LRP1B: variants seen among roughly 807,000 people sequenced by gnomAD.
The protein encoded by LRP1B is LDL receptor related protein 1B, also known as low-density lipoprotein receptor-related protein 1B.
In LRP1B, 217 loss-of-function variants were observed where a neutral mutation model predicts 556.6. The ratio of observed to expected loss-of-function variants is 0.39; its 90% CI spans 0.35 to 0.44. The LOEUF (loss-of-function observed/expected upper bound fraction) is 0.44. LRP1B is among the 20% of genes least tolerant of loss of function. LRP1B has a pLI of 1.00. For missense variants in LRP1B, 5,053 were observed against 5,620.8 expected (o/e 0.90, Z 3.23); for synonymous variants, 2,047 against 1,865.8 (o/e 1.10, Z -2.50).
intron 21 of LRP1B, among the ~76,000 whole-genome samples, chr2:140,908,382 AT>A (rs1694320538): frequency 1.3e-4 from 19 of 146,672 alleles, no homozygotes; most frequent in Middle Eastern, 7.3e-3. Flanking sequence ...ATATATATAT[AT>A]ATATATATAA....
At chr2:141,091,019 A>G (rs1700158871) in intron 7 of LRP1B, among the ~76,000 whole-genome samples, 1 of 152,242 alleles carries the variant, frequency 6.6e-6, no homozygotes, top group Non-Finnish European at 1.5e-5. Context: ...AGGCAAGTCA[A>G]TTATGTCTGG....
chr2:141,262,429 A>G (rs556329959), intron 3 of LRP1B, among the ~76,000 whole-genome samples: 1 of 152,250 alleles, frequency 6.6e-6, no homozygotes, highest in South Asian at 2.1e-4. Flanking sequence ...ACAATTTCAA[A>G]GAAAAAAATC....
intron 20 of LRP1B, among the ~76,000 whole-genome samples, chr2:140,942,449 A>G (rs1423764217): frequency 6.6e-6 from 1 of 152,140 alleles, no homozygotes; most frequent in Admixed American, 6.6e-5. Flanking sequence ...AATTCCTGCA[A>G]GATACATACA....
chr2:141,912,188 A>G (rs1374769568), intron 1 of LRP1B, among the ~76,000 whole-genome samples: 2 of 152,158 alleles, frequency 1.3e-5, no homozygotes, highest in East Asian at 3.9e-4. Context: ...TGCTTTGTCA[A>G]AAATCCTTTT....
At chr2:140,405,240 T>C (rs189740009) in intron 66 of LRP1B, among the ~76,000 whole-genome samples, 69 of 152,250 alleles carry the variant, frequency 4.5e-4, no homozygotes, top group Non-Finnish European at 6.6e-4. Context: ...GTTCATAGCA[T>C]TAAATGTGTA....
chr2:142,086,683 GA>G (rs1705946679), intron 1 of LRP1B, among the ~76,000 whole-genome samples: 1 of 151,562 alleles, frequency 6.6e-6, no homozygotes, highest in Admixed American at 6.6e-5. Context: ...TGCTGGACTT[GA>G]GAAGTGAAAA....
chr2:141,505,399 C>T (rs1280496675), intron 2 of LRP1B, among the ~76,000 whole-genome samples: 1 of 152,098 alleles, frequency 6.6e-6, no homozygotes, highest in African/African-American at 2.4e-5. Context: ...ACACATACTT[C>T]TGGCATCCAT....
At chr2:140,359,354 T>C (rs1266675941) in intron 72 of LRP1B, among the ~76,000 whole-genome samples, 1 of 151,622 alleles carries the variant, frequency 6.6e-6, no homozygotes, top group Non-Finnish European at 1.5e-5. Context: ...TGAAAATAGG[T>C]CATTCAGTGA....
chr2:140,824,748 A>G (rs1691446613), intron 31 of LRP1B, among the ~76,000 whole-genome samples: 1 of 152,150 alleles, frequency 6.6e-6, no homozygotes, highest in South Asian at 2.1e-4. Flanking sequence ...ATGAATCCAT[A>G]TCCAGGTCAC....
intron 1 of LRP1B, among the ~76,000 whole-genome samples, chr2:141,818,439 A>G (rs767169928): frequency 2.6e-5 from 4 of 151,090 alleles, no homozygotes; most frequent in Non-Finnish European, 5.9e-5. Flanking sequence ...CTTTCTAAAT[A>G]CTTTCTTCTA....
chr2:141,764,331 C>T (rs979763577), intron 2 of LRP1B, among the ~76,000 whole-genome samples: 10 of 152,134 alleles, frequency 6.6e-5, no homozygotes, highest in African/African-American at 2.4e-4. Context: ...CAGGCGCCCG[C>T]CACCACATCC....
At chr2:140,886,390 A>T in intron 23 of LRP1B, 55 bp from the exon 24 acceptor site, 1 of 883,202 alleles carries the variant, frequency 1.1e-6, no homozygotes, top group Non-Finnish European at 1.7e-6. Context: ...CTGGTAATGA[A>T]ATGCTTGGGA....
chr2:141,699,459 G>T (rs1691855795), intron 2 of LRP1B, among the ~76,000 whole-genome samples: 1 of 151,726 alleles, frequency 6.6e-6, no homozygotes, highest in South Asian at 2.1e-4. Flanking sequence ...CACTCCAAGG[G>T]CACAAAAGGA....
intron 20 of LRP1B, among the ~76,000 whole-genome samples, chr2:140,923,530 T>G (rs1458947699): frequency 1.3e-5 from 2 of 152,108 alleles, no homozygotes; most frequent in Non-Finnish European, 2.9e-5. Context: ...ATTCTAATCT[T>G]AATGATAAGA....
intron 3 of LRP1B, among the ~76,000 whole-genome samples, chr2:141,444,395 C>T (rs1172044416): frequency 6.6e-6 from 1 of 152,152 alleles, no homozygotes; most frequent in Admixed American, 6.5e-5. Context: ...ATTTGACTTC[C>T]TCTCTTCCTA....
chr2:140,268,294 C>T (rs926091861), intron 86 of LRP1B, among the ~76,000 whole-genome samples: 1 of 151,954 alleles, frequency 6.6e-6, no homozygotes. Context: ...TCACTTGTTA[C>T]TTGAAGTGTG....
intron 43 of LRP1B, among the ~76,000 whole-genome samples, chr2:140,564,314 A>G (rs569639633): frequency 6.6e-6 from 1 of 152,196 alleles, no homozygotes; most frequent in South Asian, 2.1e-4. Flanking sequence ...TTAGATATTC[A>G]CTTTAGCAAT....
chr2:140,987,051 A>G (rs1033844647), intron 17 of LRP1B, among the ~76,000 whole-genome samples: 9 of 152,178 alleles, frequency 5.9e-5, no homozygotes, highest in Admixed American at 3.9e-4. Context: ...CTACATAAAT[A>G]TGCCATTTTT....
chr2:140,393,095 T>C (rs181523755), intron 66 of LRP1B, among the ~76,000 whole-genome samples: 1 of 151,888 alleles, frequency 6.6e-6, no homozygotes, highest in East Asian at 1.9e-4. Context: ...GCCTGGCTAA[T>C]TTGTTTTCTT....
Sources: gnomAD v4.1 joint callset for allele counts (sites outside exome capture counted in the v4.1 genomes callset) on GRCh38, gnomAD v4.1.1 for gene constraint, MANE v1.5 for transcripts, NCBI Gene and HGNC (gene_info 2026-07-23, HGNC 2026-07-21) for gene names.